The following TRIM26 variants were observed in gnomAD, a reference collection of about 807,000 sequenced individuals.
TRIM26 encodes tripartite motif-containing protein 26.
Under a neutral mutation model 45.5 loss-of-function variants are expected in TRIM26, and 16 were observed. The observed-to-expected ratio is 0.35, with a 90% confidence interval of 0.24 to 0.53. The LOEUF (loss-of-function observed/expected upper bound fraction) is 0.53. Among genes scored for constraint, TRIM26 ranks in the 20% least tolerant of loss-of-function variants. The pLI, the probability that TRIM26 is intolerant of heterozygous loss-of-function variation, is 0.92. For synonymous variants in TRIM26, 273 were observed against 290.4 expected, an observed-to-expected ratio of 0.94 and a Z score of 0.61; for missense variants, 442 against 691.1, an observed-to-expected ratio of 0.64 and a Z score of 4.04.
chr6:30,197,211 T>C (rs1776578938), intron 5 of TRIM26, among the ~76,000 whole-genome samples: 1 of 152,192 alleles, frequency 6.6e-6, no homozygotes, highest in Admixed American at 6.5e-5. Flanking sequence ...ACCCCTGCCA[T>C]GTAAGACTGC....
chr6:30,189,592 T>G lies in TRIM26; in HGVS notation c.789-59A>C. ...CAGCTCTTCTTACTTTCCTTCATAC[T>G]TATCTCTCAATCCTCATGGCAATTA... On this transcript the variant is annotated intron_variant, in intron 7 of 9. Transcript: ENST00000454678. The surrounding 1 kb of genome is among the most constrained non-coding windows in gnomAD (Gnocchi z 5.0). 7.2e-7 allele frequency: 1 copy of G among 1,380,480 alleles called. No homozygotes were observed. Among genetic ancestry groups the G allele is most frequent in the Non-Finnish European group, 1.0e-6 (1 of 972,420 alleles). 85.5% of individuals were successfully genotyped at this position (1,380,480 alleles called of 1,614,324 possible).
chr6:30,198,325 G>A lies in TRIM26; in HGVS notation c.534+104C>T. 8.0e-7 allele frequency: 1 copy of A among 1,250,174 alleles called. No homozygotes were observed. Among genetic ancestry groups the A allele is most frequent in the South Asian group, 1.3e-5 (1 of 79,914 alleles). The allele number at this position is 1,250,174 out of a possible 1,614,324, so 77.4% of individuals were successfully genotyped here. On this transcript the variant is annotated intron_variant, in intron 5 of 9. Coordinates refer to ENST00000454678, the MANE Select transcript of TRIM26 (RefSeq NM_003449.5). The surrounding 1 kb of genome is among the most constrained non-coding windows in gnomAD (Gnocchi z 6.3). Reference sequence around the variant, plus strand: ...CCAGGCTGACACCCATCCTCCCTGTGAGCAGCGCCTAGAAACACCTCCCAG... The same window carrying A: ...CCAGGCTGACACCCATCCTCCCTGTAAGCAGCGCCTAGAAACACCTCCCAG...
chr6:30,195,706 G>A (rs1776390869), intron 6 of TRIM26, among the ~76,000 whole-genome samples: 1 of 152,122 alleles, frequency 6.6e-6, no homozygotes, highest in Admixed American at 6.5e-5. Flanking sequence ...TAGAGATCCT[G>A]GGTGGCTCTG....
chr6:30,188,359 G>C (rs1775444973), intron 9 of TRIM26: 1 of 437,500 alleles, frequency 2.3e-6, no homozygotes, highest in South Asian at 6.5e-5. Flanking sequence ...AAAACTACCA[G>C]CCTGCTCTGT....
chr6:30,193,133 T>C (rs1416967791), intron 6 of TRIM26, among the ~76,000 whole-genome samples: 51 of 39,112 alleles, frequency 1.3e-3, no homozygotes, highest in Non-Finnish European at 1.7e-3. Flanking sequence ...TATATATACA[T>C]ATATGTGTGT....
intron 9 of TRIM26, chr6:30,187,509 T>C (rs2127481052): frequency 1.9e-6 from 1 of 525,124 alleles, no homozygotes; most frequent in South Asian, 1.4e-5. Flanking sequence ...TTTTGCAGCT[T>C]GATCTTTAAT....
chr6:30,189,967 A>C lies in TRIM26; in HGVS notation c.788+46T>G. ...TGCACCTGGTCAGAAGCGGGGGAAC[A>C]TAAACAAGGGGGATGAGGTACGCCA... On this transcript the variant is annotated intron_variant, in intron 7 of 9. Coordinates refer to ENST00000454678, the MANE Select transcript of TRIM26 (RefSeq NM_003449.5). This position sits in a 1 kb window ranked among gnomAD's most constrained non-coding sequence, Gnocchi z 5.0. 6.2e-7 allele frequency: 1 copy of C among 1,611,850 alleles called. No individual in the cohort carries two copies. The highest frequency in any genetic ancestry group is 8.5e-7 in the Non-Finnish European group (1 of 1,178,962).
At position 30,196,979 on chromosome 6, in the gene TRIM26, C is replaced by A. The variant is rs1462699811; in HGVS notation, c.535-233G>T. Among the ~76,000 whole-genome samples the A allele has an allele frequency of 6.6e-6, 1 of 152,188 alleles. No homozygotes were observed. The highest frequency in any genetic ancestry group is 1.5e-5 in the Non-Finnish European group (1 of 68,032). On this transcript the variant is annotated intron_variant, in intron 5 of 9. Coordinates refer to ENST00000454678, the MANE Select transcript of TRIM26 (RefSeq NM_003449.5). The surrounding 1 kb of genome is among the most constrained non-coding windows in gnomAD (Gnocchi z 4.9). Reference sequence around the variant, plus strand: ...CACCACTATATGGTCAAAACCCTGTCTCCACCTGACTGGTCAGCCACAATC... The same window carrying A: ...CACCACTATATGGTCAAAACCCTGTATCCACCTGACTGGTCAGCCACAATC...
At position 30,185,993 on chromosome 6, in the gene TRIM26, A is replaced by T; in HGVS notation, c.1503T>A (p.Thr501=). 1 of 1,612,458 alleles carries T rather than the reference A, an allele frequency of 6.2e-7. No individual in the cohort carries two copies. The highest frequency in any genetic ancestry group is 8.5e-7 in the Non-Finnish European group (1 of 1,179,768). Residue 501 remains threonine (T), a synonymous_variant, in exon 10 of 10, where the codon ACT becomes ACA. Coordinates refer to ENST00000454678, the MANE Select transcript of TRIM26 (RefSeq NM_003449.5). This position sits in a 1 kb window ranked among gnomAD's most constrained non-coding sequence, Gnocchi z 5.7. ...GTTCCTGTGACTCTGCGTTGGTGAA[A>T]GTCACGGTGCCCCCTTCATAATCCA... The part of the protein sequence containing the change: ...IALDYEGGTV[T]FTNAESQELI...
At position 30,185,011 on chromosome 6, in the gene TRIM26, C is replaced by G. The variant is rs1403886837; in HGVS notation, c.*865G>C. On this transcript the variant is annotated 3_prime_UTR_variant, in exon 10 of 10. Coordinates refer to ENST00000454678, the MANE Select transcript of TRIM26 (RefSeq NM_003449.5). The surrounding 1 kb of genome is among the most constrained non-coding windows in gnomAD (Gnocchi z 5.7). ...GAGGCTTAACACCCTGCTGGGGAAC[C>G]CGGTCAGAACTCCCGAGGCAGGAGA... 1.3e-5 allele frequency: 2 copies of G among 152,382 alleles called. No homozygotes were observed. The highest frequency in any genetic ancestry group is 3.9e-4 in the East Asian group (2 of 5,194). 9.4% of individuals were successfully genotyped at this position (152,382 alleles called of 1,614,324 possible).
chr6:30,203,592 G>T (rs2523714), intron 2 of TRIM26, among the ~76,000 whole-genome samples: 35,404 of 151,474 alleles, frequency 0.23, 4,682 homozygotes, highest in African/African-American at 0.35. Flanking sequence ...ATTTTTTGTA[G>T]TTTTAGTAGA....
At chr6:30,197,234 C>T (rs1191149265) in intron 5 of TRIM26, among the ~76,000 whole-genome samples, 1 of 152,190 alleles carries the variant, frequency 6.6e-6, no homozygotes, top group East Asian at 1.9e-4. Context: ...CCTGTTTCCT[C>T]AGCAAAATTG....
At chr6:30,206,447 G>A (rs1777733128) in intron 1 of TRIM26, among the ~76,000 whole-genome samples, 1 of 152,272 alleles carries the variant, frequency 6.6e-6, no homozygotes, top group Non-Finnish European at 1.5e-5. Flanking sequence ...AAGAGGGGCA[G>A]GAGGTAGCAG....
chr6:30,187,532 C>G, intron 9 of TRIM26: 1 of 511,206 alleles, frequency 2.0e-6, no homozygotes, highest in South Asian at 1.5e-5. Flanking sequence ...CATATTCAGT[C>G]CGACATCTTT....
intron 3 of TRIM26, among the ~76,000 whole-genome samples, chr6:30,199,679 C>T (rs1471587917): frequency 6.6e-6 from 1 of 150,938 alleles, no homozygotes; most frequent in African/African-American, 2.4e-5. Context: ...CTCTGTCGCC[C>T]AGGCTGGAGT....
Position 30,189,674 on chromosome 6 carries a change from C to T in TRIM26, c.789-141G>A, listed in dbSNP as rs1379627005. The stretch of plus-strand genomic sequence containing the variant: ...AAACAAGTGACAGAAAAACAGTGGC[C>T]CAAAGACACCAGCTGAACCAGGGCT... On this transcript the variant is annotated intron_variant, in intron 7 of 9. Coordinates refer to ENST00000454678, the MANE Select transcript of TRIM26 (RefSeq NM_003449.5). The surrounding 1 kb of genome is among the most constrained non-coding windows in gnomAD (Gnocchi z 5.0). The T allele has an allele frequency of 2.7e-6, 2 of 737,046 alleles. No homozygotes were observed. The highest frequency in any genetic ancestry group is 5.3e-5 in the East Asian group (2 of 37,496). The allele number at this position is 737,046 out of a possible 1,614,324, so 45.7% of individuals were successfully genotyped here. A position where few individuals can be genotyped will look rare whatever the true frequency, so the allele number is the denominator to read the frequency against.
intron 1 of TRIM26, among the ~76,000 whole-genome samples, chr6:30,208,515 C>CTTTTTTTTTT (rs35809533): frequency 7.8e-6 from 1 of 128,222 alleles, no homozygotes; most frequent in Non-Finnish European, 1.6e-5. Context: ...AATTTTTTTC[C>CTTTTTTTTTT]TTTTTTTTTT....
intron 9 of TRIM26, among the ~76,000 whole-genome samples, chr6:30,187,944 G>A (rs1256414100): frequency 7.1e-6 from 1 of 141,648 alleles, no homozygotes; most frequent in Non-Finnish European, 1.5e-5. Context: ...AAAAGGCCGG[G>A]CGCGGTGGCT....
intron 9 of TRIM26, among the ~76,000 whole-genome samples, chr6:30,187,917 C>CAAA (rs34936729): frequency 2.3e-4 from 10 of 43,598 alleles, no homozygotes; most frequent in Non-Finnish European, 4.0e-4. Context: ...GACTCCATCT[C>CAAA]AAAAAAAAAA....
Sources: gnomAD v4.1 joint callset for allele counts (sites outside exome capture counted in the v4.1 genomes callset) on GRCh38, gnomAD v4.1.1 for gene constraint, Gnocchi (gnomAD v3.1) non-coding constraint, MANE v1.5 for transcripts, NCBI Gene and HGNC (gene_info 2026-07-23, HGNC 2026-07-21) for gene names.